TNFRSF14: variants seen among roughly 807,000 people sequenced by gnomAD.
TNFRSF14 encodes TNF receptor superfamily member 14.
A neutral mutation model predicts 34.1 loss-of-function variants in TNFRSF14; 18 were observed. The observed-to-expected ratio is 0.53, with a 90% CI of 0.36 to 0.78. TNFRSF14 has a LOEUF of 0.78. Ranked by LOEUF, TNFRSF14 falls within the 30% of genes least tolerant of loss-of-function variation. TNFRSF14 has a pLI of 0.00. For synonymous variants in TNFRSF14, 157 were observed against 153.2 expected (o/e 1.02, Z -0.18); for missense variants, 352 against 379.5 (o/e 0.93, Z 0.60).
chr1:2,558,583 C>A, intron 3 of TNFRSF14, 115 bp downstream of exon 3: 1 of 1,556,524 alleles, frequency 6.4e-7, no homozygotes. Context: ...TGCCCCAGGC[C>A]AGGTCCCAAC....
At position 2,558,269 on chromosome 1, in the gene TNFRSF14, G is replaced by A. The variant is rs2234159; in HGVS notation, c.179-74G>A. The A allele has an allele frequency of 4.3e-4, 666 of 1,531,546 alleles. 5 individuals are homozygous for A. The African/African-American group carries it at 7.9e-3, about 18-fold the overall frequency. The allele number at this position is 1,531,546 out of a possible 1,614,324, so 94.9% of individuals were successfully genotyped here. A position where few individuals can be genotyped will look rare whatever the true frequency, so the allele number is the denominator to read the frequency against. ...GTGTCTCCCTGCTTGGGCTCTGGGC[G>A]CGGGTGGAGTGATGGGTGGGCTCCC... On this transcript the variant is annotated intron_variant, in intron 2 of 7. Transcript: ENST00000355716.
Position 2,556,747 on chromosome 1 carries a change from C to T in TNFRSF14, c.69+14C>T, listed in dbSNP as rs1222249260. 1.3e-6 allele frequency: 2 copies of T among 1,582,078 alleles called. No individual in the cohort carries two copies. Among genetic ancestry groups the T allele is most frequent in the Non-Finnish European group, 1.7e-6 (2 of 1,165,450 alleles). On this transcript the variant is annotated intron_variant, in intron 1 of 7. Transcript: ENST00000355716. The stretch of plus-strand genomic sequence containing the variant: ...GTCTTGAGGCTGGTGAGCCCCCGAG[C>T]CTCCTCTCCGTCTGCTCGCAGATCC...
chr1:2,556,311 C>G (rs1644210874), upstream of TNFRSF14: 1 of 586,214 alleles, frequency 1.7e-6, no homozygotes. Flanking sequence ...TACAGGAAAC[C>G]CGGAGTGGAC....
At chr1:2,555,206 C>T (rs1162004872), upstream of TNFRSF14, 3 of 152,302 alleles carry the variant, frequency 2.0e-5, no homozygotes, top group African/African-American at 7.2e-5. The surrounding 1 kb of genome is among the most constrained non-coding windows in gnomAD (Gnocchi z 6.3). Flanking sequence ...CTCGTCCACC[C>T]TGGATGCTGG....
Position 2,563,522 on chromosome 1 carries a change from T to C in TNFRSF14, c.*249T>C, listed in dbSNP as rs565690579. 7.9e-6 allele frequency: 4 copies of C among 507,168 alleles called. No homozygotes were observed. The East Asian group carries it at 1.3e-4, about 17-fold the overall frequency. The allele number at this position is 507,168 out of a possible 1,614,324, so 31.4% of individuals were successfully genotyped here. On this transcript the variant is annotated 3_prime_UTR_variant, in exon 8 of 8. Transcript: ENST00000355716. ...CTGTGGCCTGAGCTCCCCAGAGTCC[T>C]GAGGAGGAGCGCCAGTTGCCCCTCG...
At chr1:2,558,225 A>G in intron 2 of TNFRSF14, 118 bp from the exon 3 acceptor site, 2 of 1,439,408 alleles carry the variant, frequency 1.4e-6, no homozygotes, top group Non-Finnish European at 9.2e-7. Context: ...CTCATGGGCC[A>G]TTTGAGTCCC....
rs1001604955 is a variant in TNFRSF14, at chr1:2,563,431, G to A, written c.*158G>A. 5.6e-6 allele frequency: 7 copies of A among 1,254,722 alleles called. No homozygotes were observed. Among genetic ancestry groups the A allele is most frequent in the African/African-American group, 1.5e-5 (1 of 66,146 alleles). The allele number at this position is 1,254,722 out of a possible 1,614,324, so 77.7% of individuals were successfully genotyped here. ...TGGAGGGAGAGGTGGGGCCCCTGCTGGGGTAGAGCTGGGGACGCCACGTGC... is the reference window on the plus strand; with the variant it reads ...TGGAGGGAGAGGTGGGGCCCCTGCTAGGGTAGAGCTGGGGACGCCACGTGC... On this transcript the variant is annotated 3_prime_UTR_variant, in exon 8 of 8. Transcript: ENST00000355716.
At chr1:2,556,201 C>T (rs768725667), upstream of TNFRSF14, 12 of 427,972 alleles carry the variant, frequency 2.8e-5, no homozygotes, top group East Asian at 8.8e-5. Context: ...CCCCTTTATT[C>T]GGCAAAAATG....
chr1:2,560,833 C>T (rs1278003639), intron 5 of TNFRSF14, 119 bp downstream of exon 5: 3 of 877,952 alleles, frequency 3.4e-6, no homozygotes, highest in Non-Finnish European at 5.4e-6. Flanking sequence ...CTGAGCGGCA[C>T]CCTGGTCACA....
At chr1:2,559,120 G>T in intron 3 of TNFRSF14, 2 of 1,363,602 alleles carry the variant, frequency 1.5e-6, no homozygotes, top group Middle Eastern at 1.9e-4. Context: ...CGGCACACCT[G>T]GGGGCAGGGC....
In TNFRSF14 at chr1:2,559,894, T is replaced by C. The variant is rs750071195; in HGVS notation, c.376T>C (p.Phe126Leu). 1.2e-6 allele frequency: 2 copies of C among 1,604,634 alleles called. No homozygotes were observed. Among genetic ancestry groups the C allele is most frequent in the African/African-American group, 1.3e-5 (1 of 74,806 alleles). ...NAVCGCSPGHFCIVQDGDHCA... is the reference protein window; with the variant it reads ...NAVCGCSPGHLCIVQDGDHCA... ...CGTGTGTGGCTGCAGCCCAGGCCACTTCTGCATCGTCCAGGACGGGGACCA... is the reference window on the plus strand; with the variant it reads ...CGTGTGTGGCTGCAGCCCAGGCCACCTCTGCATCGTCCAGGACGGGGACCA... The change falls in exon 4 of 8, where the codon TTC becomes CTC. Residue 126 changes from phenylalanine (F) to leucine (L), a missense_variant. By Grantham distance (22) the Phe-to-Leu change is conservative. Coordinates refer to ENST00000355716, the MANE Select transcript of TNFRSF14 (RefSeq NM_003820.4).
intron 3 of TNFRSF14, 26 bp from the exon 4 acceptor site, chr1:2,559,795 CCT>C: frequency 6.3e-7 from 1 of 1,596,620 alleles, no homozygotes. Context: ...TCCACGTACC[CCT>C]CTCAGCCCCT....
Position 2,561,853 on chromosome 1 carries a change from A to C in TNFRSF14, c.694+38A>C, listed in dbSNP as rs772414404. The C allele has an allele frequency of 1.3e-6, 2 of 1,596,956 alleles. No homozygotes were observed. Among genetic ancestry groups the C allele is most frequent in the South Asian group, 2.2e-5 (2 of 89,964 alleles). ...CGGCCCCATCAGGGCTCATGTCCCCAGCCGTCACCTCTTGGAGCTCTGTCA... is the reference window on the plus strand; with the variant it reads ...CGGCCCCATCAGGGCTCATGTCCCCCGCCGTCACCTCTTGGAGCTCTGTCA... On this transcript the variant is annotated intron_variant, in intron 6 of 7. Coordinates refer to ENST00000355716, the MANE Select transcript of TNFRSF14 (RefSeq NM_003820.4). The surrounding 1 kb of genome is among the most constrained non-coding windows in gnomAD (Gnocchi z 6.0).
chr1:2,563,424 C>T lies in TNFRSF14; in HGVS notation c.*151C>T. 1 of 1,342,150 alleles carries T rather than the reference C, an allele frequency of 7.5e-7. No individual in the cohort carries two copies. Among genetic ancestry groups the T allele is most frequent in the East Asian group, 2.4e-5 (1 of 41,758 alleles). 83.1% of individuals were successfully genotyped at this position (1,342,150 alleles called of 1,614,324 possible). A position where few individuals can be genotyped will look rare whatever the true frequency, so the allele number is the denominator to read the frequency against. ...CCTCCAGTGGAGGGAGAGGTGGGGC[C>T]CCTGCTGGGGTAGAGCTGGGGACGC... On this transcript the variant is annotated 3_prime_UTR_variant, in exon 8 of 8. Coordinates refer to ENST00000355716, the MANE Select transcript of TNFRSF14 (RefSeq NM_003820.4).
rs377289354 is a variant in TNFRSF14, at chr1:2,562,908, C to T, written c.726+12C>T. On this transcript the variant is annotated intron_variant, in intron 7 of 7. Transcript: ENST00000355716. ...TCGTCTCCGTCCAGGTATTGATCCT[C>T]CTCCCCCTCTCCCTCCCCCCTCCAC... is the stretch of plus-strand genomic sequence containing the variant. The T allele has an allele frequency of 4.7e-5, 76 of 1,612,694 alleles. No individual in the cohort carries two copies. The highest frequency in any genetic ancestry group is 4.1e-5 in the Non-Finnish European group (48 of 1,179,068).
At chr1:2,557,565 G>GGTT (rs1644236038) in intron 1 of TNFRSF14, among the ~76,000 whole-genome samples, 161 bp from the exon 2 acceptor site, 1 of 152,160 alleles carries the variant, frequency 6.6e-6, no homozygotes, top group Non-Finnish European at 1.5e-5. Flanking sequence ...CGGTCGGCAA[G>GGTT]GTTGTTCCAT....
chr1:2,559,214 A>G (rs981512630), intron 3 of TNFRSF14: 1 of 1,369,762 alleles, frequency 7.3e-7, no homozygotes, highest in Non-Finnish European at 9.6e-7. Flanking sequence ...TCATGCATGT[A>G]GGCTGGGATT....
intron 3 of TNFRSF14, chr1:2,559,621 C>T (rs11573979): frequency 0.015 from 22,375 of 1,534,390 alleles, 234 homozygotes; most frequent in African/African-American, 0.047. Context: ...TCGTCCCACA[C>T]GCAGCTCTGC....
At chr1:2,559,475 G>A (rs1386965328) in intron 3 of TNFRSF14, 5 of 1,439,242 alleles carry the variant, frequency 3.5e-6, no homozygotes, top group African/African-American at 2.8e-5. Context: ...GGGTGTCTGG[G>A]TGGGCACGTG....
Sources: gnomAD v4.1 joint callset for allele counts (sites outside exome capture counted in the v4.1 genomes callset) on GRCh38, gnomAD v4.1.1 for gene constraint, Gnocchi (gnomAD v3.1) non-coding constraint, MANE v1.5 for transcripts, NCBI Gene and HGNC (gene_info 2026-07-23, HGNC 2026-07-21) for gene names.